ENTPD1: variants seen among roughly 807,000 people sequenced by gnomAD.
ENTPD1 encodes the protein ATP diphosphohydrolase.
Under a neutral mutation model 57.0 loss-of-function variants are expected in ENTPD1, and 33 were observed. That is an observed-to-expected ratio of 0.58 (90% confidence interval 0.44 to 0.77). ENTPD1 has a LOEUF of 0.77. Among genes scored for constraint, ENTPD1 ranks in the 30% least tolerant of loss-of-function variants. The probability of loss-of-function intolerance (pLI) is 0.00; values close to 1 mark genes in which losing one functional copy is unlikely to be tolerated. For missense variants in ENTPD1, 501 were observed against 603.4 expected (o/e 0.83, Z 1.78); for synonymous variants, 202 against 218.8 (o/e 0.92, Z 0.68).
chr10:95,757,998 G>T, intron 1 of ENTPD1, among the ~76,000 whole-genome samples: 1 of 52,014 alleles, frequency 1.9e-5, no homozygotes, highest in Non-Finnish European at 3.3e-5. Flanking sequence ...GTGAGACACT[G>T]TCTCAAAAAA....
chr10:95,850,100 G>T, intron 7 of ENTPD1, among the ~76,000 whole-genome samples: 1 of 152,194 alleles, frequency 6.6e-6, no homozygotes, highest in South Asian at 2.1e-4. Flanking sequence ...AGCAGGGAGA[G>T]ATAGGGGCTG....
intron 2 of ENTPD1, among the ~76,000 whole-genome samples, chr10:95,831,765 C>G (rs949586431): frequency 3.3e-5 from 5 of 152,248 alleles, no homozygotes; most frequent in South Asian, 4.1e-4. Context: ...CCACATGTGG[C>G]ATAACACAGC....
intron 1 of ENTPD1, among the ~76,000 whole-genome samples, chr10:95,759,708 C>T (rs867740930): frequency 6.6e-6 from 1 of 152,196 alleles, no homozygotes; most frequent in African/African-American, 2.4e-5. Context: ...ACAGTTTGCT[C>T]ACGGTCTAGT....
At chr10:95,782,163 CTG>C (rs2098160512) in intron 1 of ENTPD1, among the ~76,000 whole-genome samples, 2 of 152,218 alleles carry the variant, frequency 1.3e-5, no homozygotes, top group African/African-American at 4.8e-5. Context: ...GTGCCAGGCT[CTG>C]TGTTAAGTGC....
chr10:95,750,188 G>A (rs906603237), intron 1 of ENTPD1, among the ~76,000 whole-genome samples: 3 of 152,168 alleles, frequency 2.0e-5, no homozygotes, highest in Non-Finnish European at 4.4e-5. Context: ...TCTCTTTTGT[G>A]GGTCAGCACA....
intron 1 of ENTPD1, among the ~76,000 whole-genome samples, chr10:95,770,256 A>C (rs10882662): frequency 7.4e-6 from 1 of 135,008 alleles, no homozygotes. Context: ...TGAGTGAGTG[A>C]GTGTGTGTGT....
intron 1 of ENTPD1, among the ~76,000 whole-genome samples, chr10:95,718,377 G>A (rs909462963): frequency 1.3e-5 from 2 of 151,834 alleles, no homozygotes; most frequent in African/African-American, 4.8e-5. Flanking sequence ...TAATGGAGGG[G>A]GTCCTGCCTT....
At chr10:95,736,702 G>A (rs1168144065) in intron 1 of ENTPD1, among the ~76,000 whole-genome samples, 1 of 152,094 alleles carries the variant, frequency 6.6e-6, no homozygotes, top group Non-Finnish European at 1.5e-5. Flanking sequence ...ATCACTTTAT[G>A]AGCAAATGAC....
chr10:95,819,373 C>A (rs1022512414), intron 1 of ENTPD1, among the ~76,000 whole-genome samples: 4 of 152,042 alleles, frequency 2.6e-5, no homozygotes, highest in African/African-American at 9.7e-5. Flanking sequence ...ACCATGTTAC[C>A]CCCCAGTCTC....
chr10:95,839,736 A>C lies in ENTPD1; in HGVS notation c.190A>C (p.Ile64Leu). The C allele has an allele frequency of 6.2e-7, 1 of 1,614,134 alleles. No homozygotes were observed. Among genetic ancestry groups the C allele is most frequent in the South Asian group, 1.1e-5 (1 of 91,082 alleles). The change falls in exon 3 of 10, where the codon ATC becomes CTC. Residue 64 changes from isoleucine to leucine, a missense_variant. Physicochemically the swap from Ile to Leu is conservative, Grantham distance 5 (BLOSUM62 2). Transcript: ENST00000371205. ...DAGSSHTSLY[I>L]YKWPAEKEND... is the part of the protein sequence containing the mutation. Reference sequence around the variant, plus strand: ...GGGTTCTTCTCACACAAGTTTATACATCTATAAGTGGCCAGCAGAAAAGGA... The same window carrying C: ...GGGTTCTTCTCACACAAGTTTATACCTCTATAAGTGGCCAGCAGAAAAGGA...
intron 1 of ENTPD1, among the ~76,000 whole-genome samples, chr10:95,822,486 G>A (rs1304096789): frequency 1.3e-5 from 2 of 151,848 alleles, no homozygotes; most frequent in Non-Finnish European, 2.9e-5. Flanking sequence ...TAGTAGAGAT[G>A]GGGTTTCACC....
the ENTPD1 span, among the ~76,000 whole-genome samples, chr10:95,703,031 C>T: frequency 2.0e-3 from 307 of 152,122 alleles, 1 homozygote; most frequent in African/African-American, 7.2e-3. Context: ...GTGATCCACC[C>T]GCCTCGGGCT....
In ENTPD1 at chr10:95,762,831, C is replaced by T. The variant is rs560726906; in HGVS notation, c.16+6576C>T. On this transcript the variant is annotated intron_variant, in intron 1 of 9. Coordinates refer to ENST00000371205, the MANE Select transcript of ENTPD1 (RefSeq NM_001776.6). ...CTCAAAAGCAGTTCCTGTTTTGTGG[C>T]ATCCCTGACAGCTTTGGTGTTTTTG... Among the ~76,000 whole-genome samples the T allele has an allele frequency of 3.3e-5, 5 of 152,258 alleles. No homozygotes were observed. The South Asian group carries it at 1.0e-3, about 32-fold the overall frequency.
intron 1 of ENTPD1, among the ~76,000 whole-genome samples, chr10:95,790,604 G>GT (rs971063026): frequency 6.6e-5 from 10 of 151,834 alleles, no homozygotes; most frequent in South Asian, 2.1e-4. Context: ...AATATTCTGA[G>GT]TTTTTTTTGT....
chr10:95,743,200 A>G (rs566666738), intron 1 of ENTPD1, among the ~76,000 whole-genome samples: 1 of 152,274 alleles, frequency 6.6e-6, no homozygotes, highest in South Asian at 2.1e-4. Context: ...ATTTTTGTAT[A>G]ATGTCCTTCA....
At chr10:95,712,001 AT>A (rs754454327) in intron 1 of ENTPD1, 29 of 1,613,728 alleles carry the variant, frequency 1.8e-5, no homozygotes, top group Middle Eastern at 1.7e-4. Context: ...AGGGTAAGAA[AT>A]TCTTACCAGT....
chr10:95,711,341 G>A (rs1032300890), upstream of ENTPD1, among the ~76,000 whole-genome samples: 4 of 152,180 alleles, frequency 2.6e-5, no homozygotes, highest in African/African-American at 9.6e-5. Flanking sequence ...CAGAGGTCAA[G>A]AAGAATCTAG....
chr10:95,783,846 C>T (rs1377866415), intron 1 of ENTPD1, among the ~76,000 whole-genome samples: 1 of 151,982 alleles, frequency 6.6e-6, no homozygotes, highest in Non-Finnish European at 1.5e-5. Flanking sequence ...TTTATGGTTG[C>T]CTGGGGAACT....
chr10:95,818,165 C>T (rs956102680), intron 1 of ENTPD1, among the ~76,000 whole-genome samples: 1 of 152,128 alleles, frequency 6.6e-6, no homozygotes, highest in Admixed American at 6.5e-5. Context: ...CAAATGAAGG[C>T]GTCCCACACT....
Sources: allele counts gnomAD v4.1 joint callset (sites outside exome capture counted in the v4.1 genomes callset), GRCh38; gene constraint gnomAD v4.1.1; transcripts MANE v1.5; gene names NCBI Gene and HGNC (gene_info 2026-07-23, HGNC 2026-07-21).